CNTNAP5: variants seen among roughly 807,000 people sequenced by gnomAD.
CNTNAP5 encodes the protein contactin associated protein family member 5, also known as contactin-associated protein-like 5.
CNTNAP5 carries 72 observed loss-of-function variants against 150.2 expected under a neutral mutation model. That is an observed-to-expected ratio of 0.48 (90% CI 0.40 to 0.58). The LOEUF is 0.58. CNTNAP5 is among the 20% of genes least tolerant of loss of function. The pLI, the probability that CNTNAP5 is intolerant of heterozygous loss-of-function variation, is 0.00. For missense variants in CNTNAP5, 1,636 were observed against 1,626.2 expected, an observed-to-expected ratio of 1.01 and a Z score of -0.10; for synonymous variants, 672 against 619.8, an observed-to-expected ratio of 1.08 and a Z score of -1.25.
At chr2:124,548,980 A>T (rs1695575141) in intron 10 of CNTNAP5, among the ~76,000 whole-genome samples, 1 of 152,196 alleles carries the variant, frequency 6.6e-6, no homozygotes, top group Non-Finnish European at 1.5e-5. Context: ...CAGCTGGGGC[A>T]CAAGGGGATG....
chr2:124,494,136 A>T (rs936553446), intron 7 of CNTNAP5, among the ~76,000 whole-genome samples: 1 of 151,298 alleles, frequency 6.6e-6, no homozygotes, highest in Admixed American at 6.6e-5. Context: ...AATGATTCAC[A>T]TGGCTGTTAA....
At chr2:124,295,305 G>A (rs1478238299) in intron 3 of CNTNAP5, among the ~76,000 whole-genome samples, 1 of 77,716 alleles carries the variant, frequency 1.3e-5, no homozygotes, top group Non-Finnish European at 2.7e-5. Context: ...AGAGGTGGGA[G>A]AGTCGTTTAT....
intron 13 of CNTNAP5, among the ~76,000 whole-genome samples, chr2:124,739,928 C>T (rs1283905790): frequency 6.9e-6 from 1 of 144,156 alleles, no homozygotes; most frequent in Non-Finnish European, 1.6e-5. Context: ...GGACCTCCTT[C>T]CTATAAATGT....
At chr2:124,255,166 T>C (rs936468565) in intron 3 of CNTNAP5, among the ~76,000 whole-genome samples, 4 of 152,066 alleles carry the variant, frequency 2.6e-5, no homozygotes, top group African/African-American at 9.7e-5. Context: ...GGCAGAAGGA[T>C]TGCTTAAGCC....
At chr2:124,805,915 G>A (rs1319214962) in intron 19 of CNTNAP5, among the ~76,000 whole-genome samples, 1 of 152,128 alleles carries the variant, frequency 6.6e-6, no homozygotes, top group Non-Finnish European at 1.5e-5. Context: ...TAATCCTATA[G>A]GATGAGAGGC....
intron 12 of CNTNAP5, among the ~76,000 whole-genome samples, chr2:124,629,231 C>G (rs745612640): frequency 5.9e-5 from 9 of 152,172 alleles, no homozygotes; most frequent in Non-Finnish European, 1.2e-4. Flanking sequence ...CTACAGAACT[C>G]TCTACCCCAA....
At chr2:124,738,738 A>G (rs866121801) in intron 13 of CNTNAP5, among the ~76,000 whole-genome samples, 4 of 151,982 alleles carry the variant, frequency 2.6e-5, no homozygotes, top group Middle Eastern at 3.4e-3. Context: ...CAAAAAAAAA[A>G]AAAGAAAGAA....
At chr2:124,713,316 TTCC>T (rs1679867930) in intron 13 of CNTNAP5, among the ~76,000 whole-genome samples, 2 of 97,404 alleles carry the variant, frequency 2.1e-5, no homozygotes, top group African/African-American at 6.9e-5. Context: ...TTCTCTTTCT[TTCC>T]TTTCTTTCTT....
At chr2:124,363,395 AC>A (rs1363886167) in intron 3 of CNTNAP5, among the ~76,000 whole-genome samples, 1 of 152,066 alleles carries the variant, frequency 6.6e-6, no homozygotes, top group Non-Finnish European at 1.5e-5. Flanking sequence ...CTCCTTCTTA[AC>A]ATCTCCCTGT....
At chr2:124,317,997 G>A (rs1689009406) in intron 3 of CNTNAP5, among the ~76,000 whole-genome samples, 1 of 152,188 alleles carries the variant, frequency 6.6e-6, no homozygotes, top group Admixed American at 6.5e-5. Context: ...AAGTGTTTGT[G>A]AGGCTTCATA....
At chr2:124,903,697 T>G (rs1205020733) in intron 22 of CNTNAP5, among the ~76,000 whole-genome samples, 1 of 152,114 alleles carries the variant, frequency 6.6e-6, no homozygotes, top group African/African-American at 2.4e-5. Flanking sequence ...ATTAACTATT[T>G]TAGCAAATGT....
chr2:124,233,019 G>T (rs191818483), intron 2 of CNTNAP5, among the ~76,000 whole-genome samples: 2 of 147,888 alleles, frequency 1.4e-5, no homozygotes, highest in Non-Finnish European at 3.0e-5. Flanking sequence ...CATTCATTTT[G>T]TGAGACTTTT....
In CNTNAP5 at chr2:124,851,974, A is replaced by G. The variant is rs186550635; in HGVS notation, c.3218-13332A>G. Among the ~76,000 whole-genome samples the G allele has an allele frequency of 7.9e-5, 12 of 152,290 alleles. No individual in the cohort carries two copies. In the East Asian group the frequency reaches 2.1e-3, roughly 27 times the overall value. ...GACTTGAGGCTGTAAATGAGAGGAT[A>G]GTGATGGACCAGACAATATGAGCTG... On this transcript the variant is annotated intron_variant, in intron 19 of 23. Coordinates refer to ENST00000682447, the MANE Select transcript of CNTNAP5 (RefSeq NM_001367498.1).
intron 1 of CNTNAP5, among the ~76,000 whole-genome samples, chr2:124,046,436 A>G (rs1681539251): frequency 1.3e-5 from 2 of 151,296 alleles, no homozygotes; most frequent in Admixed American, 6.6e-5. Flanking sequence ...AAAGAGAGAA[A>G]AAAAAAAAAA....
At chr2:124,315,005 G>A (rs1688929109) in intron 3 of CNTNAP5, among the ~76,000 whole-genome samples, 1 of 150,876 alleles carries the variant, frequency 6.6e-6, no homozygotes, top group African/African-American at 2.4e-5. Flanking sequence ...TTTTTGATGG[G>A]GTGTTGCTCT....
At chr2:124,878,703 T>C (rs554367429) in intron 21 of CNTNAP5, among the ~76,000 whole-genome samples, 6 of 136,138 alleles carry the variant, frequency 4.4e-5, no homozygotes, top group African/African-American at 1.0e-4. Context: ...GTTCTTTTCT[T>C]TTTTTTTTTT....
intron 15 of CNTNAP5, 35 bp downstream of exon 15, chr2:124,763,834 A>G: frequency 6.2e-7 from 1 of 1,612,170 alleles, no homozygotes; most frequent in Non-Finnish European, 8.5e-7. Context: ...TTCTCTCTGC[A>G]TTACATGAGC....
chr2:124,435,152 C>T (rs1692496539), intron 5 of CNTNAP5, among the ~76,000 whole-genome samples: 1 of 152,060 alleles, frequency 6.6e-6, no homozygotes, highest in South Asian at 2.1e-4. Context: ...TCTAGGCATT[C>T]CCATGTCTTT....
intron 21 of CNTNAP5, among the ~76,000 whole-genome samples, chr2:124,873,147 T>C (rs527461758): frequency 6.6e-6 from 1 of 152,140 alleles, no homozygotes; most frequent in African/African-American, 2.4e-5. Flanking sequence ...AATCTTAAAG[T>C]AATGGCAGGA....
Sources: allele counts gnomAD v4.1 joint callset (sites outside exome capture counted in the v4.1 genomes callset), GRCh38; gene constraint gnomAD v4.1.1; transcripts MANE v1.5; gene names NCBI Gene and HGNC (gene_info 2026-07-23, HGNC 2026-07-21).